Variants in AGBL4 observed in about 807,000 individuals in gnomAD.
AGBL4 encodes the protein cytosolic carboxypeptidase 6.
In AGBL4, 58 loss-of-function variants were observed where a neutral mutation model predicts 66.4. That is an observed-to-expected ratio of 0.87 (90% CI 0.71 to 1.09). The LOEUF is 1.09. Ranked by LOEUF, AGBL4 falls within the 50% of genes least tolerant of loss-of-function variation. The pLI, the probability that AGBL4 is intolerant of heterozygous loss-of-function variation, is 0.00. For missense variants in AGBL4, 579 were observed against 631.0 expected (o/e 0.92, Z 0.88); for synonymous variants, 234 against 222.9 (o/e 1.05, Z -0.44).
chr1:49,638,645 T>C (rs781530902), intron 3 of AGBL4, among the ~76,000 whole-genome samples: 3 of 152,140 alleles, frequency 2.0e-5, no homozygotes, highest in Non-Finnish European at 4.4e-5. Context: ...CAAGATCTGA[T>C]GGTTTCATAA....
intron 6 of AGBL4, among the ~76,000 whole-genome samples, chr1:48,755,845 C>T (rs77126389): frequency 0.014 from 2,150 of 152,298 alleles, 21 homozygotes; most frequent in Middle Eastern, 0.041. Flanking sequence ...TTCCTAGGCT[C>T]AGAAAGCATT....
chr1:48,694,902 C>T (rs1412182141), intron 6 of AGBL4, among the ~76,000 whole-genome samples: 4 of 152,170 alleles, frequency 2.6e-5, no homozygotes, highest in South Asian at 2.1e-4. Flanking sequence ...GCCCTCATCC[C>T]ACCATTTTAT....
At chr1:48,861,944 G>A (rs1031412669) in intron 6 of AGBL4, among the ~76,000 whole-genome samples, 10 of 151,978 alleles carry the variant, frequency 6.6e-5, no homozygotes, top group African/African-American at 2.4e-4. Context: ...CATTTCCCTG[G>A]TTTCCTACTT....
At chr1:48,810,293 A>G (rs1046543565) in intron 6 of AGBL4, among the ~76,000 whole-genome samples, 5 of 152,196 alleles carry the variant, frequency 3.3e-5, no homozygotes, top group Non-Finnish European at 7.3e-5. Context: ...CTGAAAGGAC[A>G]ATGCAAATTA....
chr1:49,287,018 T>A (rs1161955750), intron 3 of AGBL4, among the ~76,000 whole-genome samples: 1 of 151,356 alleles, frequency 6.6e-6, no homozygotes, highest in Non-Finnish European at 1.5e-5. Context: ...AACAGAGATA[T>A]AGATCAATGG....
chr1:49,873,339 C>G (rs957438325), intron 1 of AGBL4, among the ~76,000 whole-genome samples: 1 of 151,790 alleles, frequency 6.6e-6, no homozygotes, highest in Non-Finnish European at 1.5e-5. Context: ...AAATCTGATA[C>G]CAGAGACTCA....
chr1:49,732,128 G>A (rs1649503332), intron 2 of AGBL4, among the ~76,000 whole-genome samples: 1 of 152,108 alleles, frequency 6.6e-6, no homozygotes, highest in African/African-American at 2.4e-5. Context: ...ACCAAAAACT[G>A]GCTAGCAAGA....
Position 48,742,800 on chromosome 1 carries a change from A to G in AGBL4, c.635-79559T>C, listed in dbSNP as rs189249502. 1.5e-5 allele frequency: 23 copies of G among 1,499,960 alleles called. No individual in the cohort carries two copies. In the Admixed American group the frequency reaches 4.4e-4, roughly 29 times the overall value. The allele number at this position is 1,499,960 out of a possible 1,614,324, so 92.9% of individuals were successfully genotyped here. ...GGCAGTTAAGAAAAGAAATCTGTCT[A>G]GAACTCCAAGGAAAATAAAAGGCAA... On this transcript the variant is annotated intron_variant, in intron 6 of 13. Coordinates refer to ENST00000371839, the MANE Select transcript of AGBL4 (RefSeq NM_032785.4).
intron 3 of AGBL4, among the ~76,000 whole-genome samples, chr1:49,644,857 A>G (rs1282378067): frequency 6.6e-6 from 1 of 151,582 alleles, no homozygotes; most frequent in Non-Finnish European, 1.5e-5. Context: ...AAGGTAAACT[A>G]TATACTACTG....
At chr1:48,666,341 C>T (rs955182712) in intron 6 of AGBL4, among the ~76,000 whole-genome samples, 5 of 151,884 alleles carry the variant, frequency 3.3e-5, no homozygotes, top group Non-Finnish European at 7.4e-5. Context: ...CAGGGTGGAA[C>T]AGAATGCAAA....
chr1:49,322,541 C>T (rs563699611), intron 3 of AGBL4, among the ~76,000 whole-genome samples: 1 of 152,276 alleles, frequency 6.6e-6, no homozygotes, highest in South Asian at 2.1e-4. Context: ...ATGAAATCAT[C>T]TTAGATTATC....
At chr1:49,313,825 C>T (rs1188173227) in intron 3 of AGBL4, among the ~76,000 whole-genome samples, 4 of 152,124 alleles carry the variant, frequency 2.6e-5, no homozygotes, top group Non-Finnish European at 2.9e-5. Flanking sequence ...CTTGCCTGTT[C>T]ATTCTGATGA....
chr1:50,019,296 T>A (rs1404971766), intron 1 of AGBL4, among the ~76,000 whole-genome samples: 19 of 92,800 alleles, frequency 2.0e-4, no homozygotes, highest in Middle Eastern at 9.9e-3. Context: ...TCTCTCTCTC[T>A]CTCTCTCTCT....
chr1:49,604,582 T>A (rs1645029446), intron 3 of AGBL4, among the ~76,000 whole-genome samples: 1 of 152,176 alleles, frequency 6.6e-6, no homozygotes, highest in African/African-American at 2.4e-5. Flanking sequence ...TTCAATTAGG[T>A]CCCATTAATT....
At chr1:49,273,134 C>T (rs1644095917) in intron 3 of AGBL4, among the ~76,000 whole-genome samples, 1 of 152,120 alleles carries the variant, frequency 6.6e-6, no homozygotes, top group Non-Finnish European at 1.5e-5. Flanking sequence ...GGGCAGTATT[C>T]TCACAGGTCC....
intron 6 of AGBL4, among the ~76,000 whole-genome samples, chr1:48,753,069 A>G (rs1292013423): frequency 6.6e-6 from 1 of 152,208 alleles, no homozygotes; most frequent in Non-Finnish European, 1.5e-5. Context: ...TTTAAGAACC[A>G]TAATAGCTGA....
intron 3 of AGBL4, among the ~76,000 whole-genome samples, chr1:49,493,952 T>C (rs1452961879): frequency 1.3e-5 from 2 of 151,890 alleles, no homozygotes; most frequent in Non-Finnish European, 2.9e-5. Flanking sequence ...ACAACATCCC[T>C]CTGATGGCAG....
chr1:49,729,785 G>A (rs937823085), intron 2 of AGBL4, among the ~76,000 whole-genome samples: 3 of 152,126 alleles, frequency 2.0e-5, no homozygotes, highest in African/African-American at 7.2e-5. Flanking sequence ...TGTGGTAGTA[G>A]GAATTTTAAA....
chr1:48,565,783 A>G (rs1644467266), intron 11 of AGBL4, among the ~76,000 whole-genome samples: 1 of 152,208 alleles, frequency 6.6e-6, no homozygotes, highest in Non-Finnish European at 1.5e-5. Flanking sequence ...TTCTTCACAT[A>G]GTTGCTTTGA....
Sources: gnomAD v4.1 joint callset for allele counts (sites outside exome capture counted in the v4.1 genomes callset) on GRCh38, gnomAD v4.1.1 for gene constraint, MANE v1.5 for transcripts, NCBI Gene and HGNC (gene_info 2026-07-23, HGNC 2026-07-21) for gene names.